The following ERI3 variants were observed in gnomAD, a reference collection of about 807,000 sequenced individuals.
ERI3 encodes ERI1 exoribonuclease 3.
Under a neutral mutation model 44.4 loss-of-function variants are expected in ERI3, and 18 were observed. The ratio of observed to expected loss-of-function variants is 0.41; its 90% CI spans 0.28 to 0.60. The LOEUF is 0.60. Ranked by LOEUF, ERI3 falls within the 20% of genes least tolerant of loss-of-function variation. The pLI, the probability that ERI3 is intolerant of heterozygous loss-of-function variation, is 0.36. For missense variants in ERI3, 294 were observed against 435.5 expected (o/e 0.68, Z 2.89); for synonymous variants, 183 against 164.8 (o/e 1.11, Z -0.84).
At chr1:44,269,732 GC>G (rs1316781554) in intron 7 of ERI3, among the ~76,000 whole-genome samples, 1 of 152,226 alleles carries the variant, frequency 6.6e-6, no homozygotes. Context: ...AGGCCAGACT[GC>G]CTTCAGGTGG....
Position 44,319,643 on chromosome 1 carries a change from G to C in ERI3, c.591C>G (p.Thr197=). 1 of 1,613,356 alleles carries C rather than the reference G, an allele frequency of 6.2e-7. No individual in the cohort carries two copies. The highest frequency in any genetic ancestry group is 8.5e-7 in the Non-Finnish European group (1 of 1,179,298). ...YVQPVVHPQL[T]PFCTELTGII... Reference sequence around the variant, plus strand: ...GGGCCCTTACCTCTGTACAGAATGGGGTAAGCTGTGGATGGACTACAGGCT... The same window carrying C: ...GGGCCCTTACCTCTGTACAGAATGGCGTAAGCTGTGGATGGACTACAGGCT... The change falls in exon 4 of 9, where the codon ACC becomes ACG. Residue 197 remains threonine (T), a synonymous_variant. Coordinates refer to ENST00000372257, the MANE Select transcript of ERI3 (RefSeq NM_024066.3).
rs375692919 is a variant in ERI3, at chr1:44,344,353, G to A, written c.212-5031C>T. ...AAATATCACACAGACAGTATTTGAA[G>A]AGACAGATCTCCCTGTAATGCCCAC... On this transcript the variant is annotated intron_variant, in intron 2 of 8. Transcript: ENST00000372257. Among the ~76,000 whole-genome samples the A allele has an allele frequency of 2.0e-5, 3 of 152,258 alleles. No individual in the cohort carries two copies. In the East Asian group the frequency reaches 5.8e-4, roughly 29 times the overall value.
At chr1:44,318,645 A>G (rs1172144228) in intron 4 of ERI3, among the ~76,000 whole-genome samples, 1 of 152,238 alleles carries the variant, frequency 6.6e-6, no homozygotes, top group Non-Finnish European at 1.5e-5. Flanking sequence ...GGGCTAAGTC[A>G]GCCTCAGGGC....
intron 3 of ERI3, among the ~76,000 whole-genome samples, chr1:44,335,026 T>C (rs933281963): frequency 1.3e-5 from 2 of 152,072 alleles, no homozygotes; most frequent in Non-Finnish European, 2.9e-5. Context: ...AACAGAAGTG[T>C]ACCATGCAGG....
intron 1 of ERI3, 154 bp downstream of exon 1, chr1:44,354,738 C>A: frequency 1.0e-6 from 1 of 985,352 alleles, no homozygotes. Flanking sequence ...CCCCGCTCCC[C>A]CTCCGCCAGA....
chr1:44,227,485 T>C (rs1489142357), intron 8 of ERI3, among the ~76,000 whole-genome samples: 1 of 152,208 alleles, frequency 6.6e-6, no homozygotes, highest in Admixed American at 6.5e-5. Flanking sequence ...TGCCAGTGCC[T>C]AGGCCTGCTT....
At chr1:44,342,663 T>G (rs75079113) in intron 2 of ERI3, among the ~76,000 whole-genome samples, 1 of 149,936 alleles carries the variant, frequency 6.7e-6, no homozygotes, top group African/African-American at 2.5e-5. Context: ...GTTTTTTTTT[T>G]GAAGACAGGG....
chr1:44,232,044 T>A (rs1644196776), intron 8 of ERI3, among the ~76,000 whole-genome samples: 2 of 152,354 alleles, frequency 1.3e-5, no homozygotes, highest in South Asian at 4.1e-4. Context: ...CTGATAACAC[T>A]GCTGATATGC....
intron 8 of ERI3, among the ~76,000 whole-genome samples, chr1:44,223,843 A>G (rs569115383): frequency 1.3e-5 from 2 of 152,222 alleles, no homozygotes; most frequent in Admixed American, 1.3e-4. Context: ...GGCTTCATCT[A>G]AATCGTGAGT....
intron 3 of ERI3, among the ~76,000 whole-genome samples, chr1:44,323,406 A>G (rs1646243808): frequency 6.6e-6 from 1 of 152,174 alleles, no homozygotes; most frequent in Non-Finnish European, 1.5e-5. Flanking sequence ...TTTCACATAC[A>G]TTTTCTTATT....
Position 44,355,181 on chromosome 1 carries a change from C to G in ERI3, c.-155G>C, listed in dbSNP as rs1646976515. On this transcript the variant is annotated 5_prime_UTR_variant, in exon 1 of 9. Coordinates refer to ENST00000372257, the MANE Select transcript of ERI3 (RefSeq NM_024066.3). ...CGGCCAGGCAGAGGCAGGGCCAGCT[C>G]CGCCCGCTCCCCACCGCCCGTTCCC... is the stretch of plus-strand genomic sequence containing the variant. 8.3e-7 allele frequency: 1 copy of G among 1,199,432 alleles called. No homozygotes were observed. Among genetic ancestry groups the G allele is most frequent in the African/African-American group, 1.6e-5 (1 of 63,066 alleles). 74.3% of individuals were successfully genotyped at this position (1,199,432 alleles called of 1,614,324 possible).
chr1:44,308,819 CATTT>C (rs1269414206), intron 5 of ERI3, among the ~76,000 whole-genome samples: 2 of 152,194 alleles, frequency 1.3e-5, no homozygotes, highest in African/African-American at 4.8e-5. Flanking sequence ...TTCACTCATT[CATTT>C]ATTTGTTTTA....
rs2301767 is a variant in ERI3 at position 44,308,167 on chromosome 1, C to T, written c.758+143G>A. 0.34 allele frequency: 232,747 copies of T among 678,632 alleles called. 42,388 individuals are homozygous for T. Among genetic ancestry groups the T allele is most frequent in the East Asian group, 0.51 (20,091 of 39,274 alleles). 42.0% of individuals were successfully genotyped at this position (678,632 alleles called of 1,614,324 possible). ...CCAGAGAGGCAGAAGGCAGGGCTCC[C>T]AACCGTCTTCTATCCCTGATAGCCT... On this transcript the variant is annotated intron_variant, in intron 6 of 8. Transcript: ENST00000372257.
intron 8 of ERI3, among the ~76,000 whole-genome samples, chr1:44,238,893 G>A (rs953955852): frequency 2.0e-5 from 3 of 152,052 alleles, no homozygotes; most frequent in African/African-American, 7.2e-5. Context: ...TTATGAAATT[G>A]GGGTTTCATT....
chr1:44,319,665 G>A lies in ERI3; in HGVS notation c.569C>T (p.Pro190Leu). 1.2e-6 allele frequency: 2 copies of A among 1,614,142 alleles called. No homozygotes were observed. The highest frequency in any genetic ancestry group is 8.5e-7 in the Non-Finnish European group (1 of 1,179,966). Residue 190 changes from proline to leucine, a missense_variant, in exon 4 of 9, where the codon CCT (proline) becomes CTT (leucine). Coordinates refer to ENST00000372257, the MANE Select transcript of ERI3 (RefSeq NM_024066.3). Reference sequence around the variant, plus strand: ...TGGGGTAAGCTGTGGATGGACTACAGGCTGGACATACATGTGAAAGGTAGA... The same window carrying A: ...TGGGGTAAGCTGTGGATGGACTACAAGCTGGACATACATGTGAAAGGTAGA... ...IESTFHMYVQPVVHPQLTPFC... is the reference protein window; with the variant it reads ...IESTFHMYVQLVVHPQLTPFC...
At chr1:44,250,759 G>A (rs977732864) in intron 7 of ERI3, among the ~76,000 whole-genome samples, 2 of 152,152 alleles carry the variant, frequency 1.3e-5, no homozygotes, top group African/African-American at 4.8e-5. Context: ...AGGGGGTGGC[G>A]CATGCACATG....
At position 44,235,029 on chromosome 1, in the gene ERI3, T is replaced by G. The variant is rs538435282; in HGVS notation, c.931+12910A>C. On this transcript the variant is annotated intron_variant, in intron 8 of 8. Transcript: ENST00000372257. This position sits in a 1 kb window ranked among gnomAD's most constrained non-coding sequence, Gnocchi z 4.6. ...GGTAAGGGATACATAGAAACTTTCC[T>G]ACAAATGTAAAATTAATTCAAAGTA... Among the ~76,000 whole-genome samples, 1 of 152,316 alleles carries G rather than the reference T, an allele frequency of 6.6e-6. No homozygotes were observed. The highest frequency in any genetic ancestry group is 2.1e-4 in the South Asian group (1 of 4,828).
intron 4 of ERI3, among the ~76,000 whole-genome samples, chr1:44,316,569 C>G (rs1646092299): frequency 6.6e-6 from 1 of 152,204 alleles, no homozygotes; most frequent in Admixed American, 6.5e-5. Context: ...TCTCCTTTCA[C>G]AGTTTATCTC....
intron 8 of ERI3, among the ~76,000 whole-genome samples, chr1:44,233,774 C>T (rs1286817537): frequency 6.6e-6 from 1 of 152,198 alleles, no homozygotes; most frequent in Non-Finnish European, 1.5e-5. Context: ...AACAAGTCTC[C>T]CTTTAACTCC....
Sources: gnomAD v4.1 joint callset for allele counts (sites outside exome capture counted in the v4.1 genomes callset) on GRCh38, gnomAD v4.1.1 for gene constraint, Gnocchi (gnomAD v3.1) non-coding constraint, MANE v1.5 for transcripts, NCBI Gene and HGNC (gene_info 2026-07-23, HGNC 2026-07-21) for gene names.